Variants in ZNF410 observed in about 807,000 individuals in gnomAD.
ZNF410 encodes another partner for ARF 1.
In ZNF410, 18 loss-of-function variants were observed where a neutral mutation model predicts 54.8. The ratio of observed to expected loss-of-function variants is 0.33; its 90% CI spans 0.23 to 0.49. ZNF410 has a LOEUF of 0.49. Among genes scored for constraint, ZNF410 ranks in the 20% least tolerant of loss-of-function variants. The pLI, the probability that ZNF410 is intolerant of heterozygous loss-of-function variation, is 0.99. For synonymous variants in ZNF410, 191 were observed against 207.3 expected (o/e 0.92, Z 0.68); for missense variants, 405 against 569.6 (o/e 0.71, Z 2.94).
At chr14:73,925,938 G>T (rs2055822910) in intron 11 of ZNF410, among the ~76,000 whole-genome samples, 3 of 152,208 alleles carry the variant, frequency 2.0e-5, no homozygotes, top group African/African-American at 7.2e-5. Context: ...GGAGGCTGAA[G>T]TAGGAGGATC....
intron 5 of ZNF410, 22 bp downstream of exon 5, chr14:73,898,284 C>T: frequency 6.2e-7 from 1 of 1,613,262 alleles, no homozygotes; most frequent in South Asian, 1.1e-5. Flanking sequence ...CGGCATTTTC[C>T]TTGCCACTAT....
intron 8 of ZNF410, among the ~76,000 whole-genome samples, chr14:73,919,874 T>C (rs574211187): frequency 1.3e-5 from 2 of 150,860 alleles, no homozygotes; most frequent in South Asian, 4.2e-4. Flanking sequence ...CCACCCTGTT[T>C]CTATTGTATA....
At chr14:73,926,582 C>T (rs527510935) in intron 11 of ZNF410, among the ~76,000 whole-genome samples, 1 of 152,162 alleles carries the variant, frequency 6.6e-6, no homozygotes, top group Non-Finnish European at 1.5e-5. Flanking sequence ...TTACAGGCAC[C>T]TGCCACCAAG....
chr14:73,903,493 ATATT>A, intron 5 of ZNF410, among the ~76,000 whole-genome samples: 1 of 151,684 alleles, frequency 6.6e-6, no homozygotes, highest in East Asian at 1.9e-4. Context: ...TTGTTTCATT[ATATT>A]TATTTATTTT....
At chr14:73,902,577 C>T (rs28532502) in intron 5 of ZNF410, among the ~76,000 whole-genome samples, 149,268 of 152,196 alleles carry the variant, frequency 0.98, 73,217 homozygotes, top group East Asian at 1. Context: ...GTTCTAGGGG[C>T]TGTGATAGGC....
chr14:73,887,991 T>C (rs2068026097), intron 1 of ZNF410, among the ~76,000 whole-genome samples: 1 of 151,980 alleles, frequency 6.6e-6, no homozygotes, highest in South Asian at 2.1e-4. Context: ...AAGGATGTAT[T>C]GGAAAGAGGA....
chr14:73,908,325 T>G (rs1484707820), intron 7 of ZNF410, among the ~76,000 whole-genome samples: 1 of 152,250 alleles, frequency 6.6e-6, no homozygotes, highest in African/African-American at 2.4e-5. Context: ...TTTTGTTTTT[T>G]CAGTTCTTTA....
At chr14:73,910,150 A>G (rs969581733) in intron 8 of ZNF410, among the ~76,000 whole-genome samples, 4 of 152,198 alleles carry the variant, frequency 2.6e-5, no homozygotes, top group African/African-American at 9.7e-5. Context: ...AAGGTAGTTT[A>G]AGAAGGGCCT....
chr14:73,924,610 T>C (rs2055801122), intron 11 of ZNF410: 2 of 419,624 alleles, frequency 4.8e-6, no homozygotes, highest in African/African-American at 2.1e-5. Context: ...TGTCAAAACC[T>C]CTGTAGCTTG....
chr14:73,925,830 A>G (rs1211822974), intron 11 of ZNF410, among the ~76,000 whole-genome samples: 1 of 152,160 alleles, frequency 6.6e-6, no homozygotes, highest in African/African-American at 2.4e-5. Flanking sequence ...CCAGGAGTTC[A>G]AGACCAGCCT....
Position 73,892,020 on chromosome 14 carries a change from A to G in ZNF410, c.-149-7A>G, listed in dbSNP as rs776517544. 2.2e-5 allele frequency: 18 copies of G among 825,600 alleles called. No homozygotes were observed. In the East Asian group the frequency reaches 3.3e-4, roughly 15 times the overall value. The allele number at this position is 825,600 out of a possible 1,614,324, so 51.1% of individuals were successfully genotyped here. On this transcript the variant is annotated splice_region_variant and splice_polypyrimidine_tract_variant and intron_variant, in intron 1 of 11. Coordinates refer to ENST00000555044, the MANE Select transcript of ZNF410 (RefSeq NM_021188.3). ...TGCCCCCTCTCTCTTTTTTACCCCT[A>G]TTCTAGGTTACATTGATTACCCACC...
chr14:73,918,751 T>G (rs1262875547), intron 8 of ZNF410, among the ~76,000 whole-genome samples: 1 of 136,146 alleles, frequency 7.3e-6, no homozygotes, highest in African/African-American at 2.8e-5. Context: ...CAGGCTGGAG[T>G]GCAGTGGCGT....
At chr14:73,931,447 A>G (rs1445646853) in intron 11 of ZNF410, 56 bp from the exon 12 acceptor site, 1 of 1,502,340 alleles carries the variant, frequency 6.7e-7, no homozygotes. Context: ...ACTATGAATT[A>G]TTTTTTCTAT....
At chr14:73,891,805 T>A in intron 1 of ZNF410, 1 of 552,842 alleles carries the variant, frequency 1.8e-6, no homozygotes, top group Non-Finnish European at 3.2e-6. Flanking sequence ...TTAAGATAGT[T>A]TTTTAGATTA....
chr14:73,893,839 C>T lies in ZNF410; in HGVS notation c.76C>T (p.Gln26Ter). ...TCAGAATACGTCCATCCCATTGGGA[C>T]AGGGGCTTGTAGAATCAGAAGCTAA... ...FVQNTSIPLGQGLVESEAKDI... is the reference protein window; with the variant it reads ...FVQNTSIPLG The change falls in exon 3 of 12, where the codon CAG (glutamine) becomes TAG (stop). Residue 26 changes from glutamine (Q) to a stop codon, truncating the protein, a stop_gained. Coordinates refer to ENST00000555044, the MANE Select transcript of ZNF410 (RefSeq NM_021188.3). LOFTEE classifies it high-confidence loss of function. 6.2e-7 allele frequency: 1 copy of T among 1,614,070 alleles called. No individual in the cohort carries two copies. Among genetic ancestry groups the T allele is most frequent in the Non-Finnish European group, 8.5e-7 (1 of 1,179,998 alleles).
At chr14:73,920,762 C>A (rs144211620) in intron 8 of ZNF410, 150 of 530,050 alleles carry the variant, frequency 2.8e-4, no homozygotes, top group Non-Finnish European at 4.3e-4. Flanking sequence ...CTGGAAAGGA[C>A]CAGCAGCTGG....
intron 8 of ZNF410, among the ~76,000 whole-genome samples, chr14:73,919,771 T>C (rs1245510483): frequency 6.6e-6 from 1 of 152,080 alleles, no homozygotes; most frequent in Non-Finnish European, 1.5e-5. Context: ...GTCTTTTTGG[T>C]AGAGCAGTTT....
intron 7 of ZNF410, among the ~76,000 whole-genome samples, chr14:73,905,867 A>G (rs2055473883): frequency 6.6e-6 from 1 of 151,372 alleles, no homozygotes; most frequent in Non-Finnish European, 1.5e-5. Flanking sequence ...TAAGGCATAT[A>G]TAAAATATAA....
intron 9 of ZNF410, among the ~76,000 whole-genome samples, chr14:73,921,743 T>C (rs940210097): frequency 1.3e-5 from 2 of 152,208 alleles, no homozygotes; most frequent in Middle Eastern, 3.2e-3. Flanking sequence ...TGCCTGAAAT[T>C]TGATAACTCT....
Sources: allele counts gnomAD v4.1 joint callset (sites outside exome capture counted in the v4.1 genomes callset), GRCh38; gene constraint gnomAD v4.1.1; transcripts MANE v1.5; gene names NCBI Gene and HGNC (gene_info 2026-07-23, HGNC 2026-07-21).